LINGO1: variants seen among roughly 807,000 people sequenced by gnomAD.
The protein encoded by LINGO1 is leucine rich repeat and Ig domain containing 1.
Under a neutral mutation model 37.3 loss-of-function variants are expected in LINGO1, and 11 were observed. That is an observed-to-expected ratio of 0.29 (90% confidence interval 0.19 to 0.49). The LOEUF (loss-of-function observed/expected upper bound fraction) is 0.49, where lower values mean the gene tolerates loss of function less well. Ranked by LOEUF, LINGO1 falls within the 20% of genes least tolerant of loss-of-function variation. The probability of loss-of-function intolerance (pLI) is 0.99; values close to 1 mark genes in which losing one functional copy is unlikely to be tolerated. For missense variants in LINGO1, 585 were observed against 878.2 expected (o/e 0.67, Z 4.22); for synonymous variants, 387 against 403.0 (o/e 0.96, Z 0.48).
chr15:77,692,127 TACTC>T (rs1156422963), intron 1 of LINGO1, among the ~76,000 whole-genome samples: 1 of 152,230 alleles, frequency 6.6e-6, no homozygotes, highest in African/African-American at 2.4e-5. Flanking sequence ...CCTTCTTACT[TACTC>T]ATCTTACGTA....
chr15:77,682,342 G>A (rs1359232495), intron 2 of LINGO1, among the ~76,000 whole-genome samples: 2 of 148,148 alleles, frequency 1.3e-5, no homozygotes, highest in African/African-American at 2.5e-5. Flanking sequence ...GTACTTGGTA[G>A]AGAATAGGCA....
intron 1 of LINGO1, among the ~76,000 whole-genome samples, chr15:77,627,195 C>T (rs376966674): frequency 7.2e-5 from 11 of 152,108 alleles, no homozygotes; most frequent in South Asian, 2.1e-4. Flanking sequence ...GTCACCCTGG[C>T]GGCAATCAAT....
At chr15:77,753,257 T>C (rs1434421259) in intron 1 of LINGO1, among the ~76,000 whole-genome samples, 1 of 152,224 alleles carries the variant, frequency 6.6e-6, no homozygotes, top group Non-Finnish European at 1.5e-5. Flanking sequence ...AGCTTCCTTG[T>C]AATGCAATGG....
intron 1 of LINGO1, among the ~76,000 whole-genome samples, chr15:77,623,976 G>A (rs2074009240): frequency 2.0e-5 from 3 of 148,500 alleles, no homozygotes; most frequent in Admixed American, 1.3e-4. Context: ...TGTGTGGCCT[G>A]TGTGTGTGTG....
chr15:77,820,603 C>T (rs1268589638), upstream of LINGO1, among the ~76,000 whole-genome samples: 2 of 152,232 alleles, frequency 1.3e-5, no homozygotes, highest in Non-Finnish European at 2.9e-5. Context: ...GGGCTGGCGT[C>T]CCGCTCCTGC....
upstream of LINGO1, among the ~76,000 whole-genome samples, chr15:77,789,357 T>C (rs2076800705): frequency 6.6e-6 from 1 of 152,182 alleles, no homozygotes; most frequent in Non-Finnish European, 1.5e-5. Flanking sequence ...AAATACTGGC[T>C]GGGTGCAGTG....
At chr15:77,703,618 G>T (rs2075812676) in intron 2 of LINGO1, among the ~76,000 whole-genome samples, 1 of 152,186 alleles carries the variant, frequency 6.6e-6, no homozygotes. Flanking sequence ...ATGCTGGGAA[G>T]GACCCTCCAG....
chr15:77,650,959 A>G (rs1287287838), intron 3 of LINGO1, among the ~76,000 whole-genome samples: 2 of 152,132 alleles, frequency 1.3e-5, no homozygotes, highest in Admixed American at 1.3e-4. Flanking sequence ...CAGGGCAAGT[A>G]GACATTTCAG....
chr15:77,775,042 T>C (rs764344519), intron 1 of LINGO1, among the ~76,000 whole-genome samples: 1 of 152,148 alleles, frequency 6.6e-6, no homozygotes, highest in South Asian at 2.1e-4. Context: ...AGGCGATGCA[T>C]GTTGAGGGTG....
chr15:77,763,195 T>C (rs1056251113), intron 1 of LINGO1, among the ~76,000 whole-genome samples: 2 of 152,160 alleles, frequency 1.3e-5, no homozygotes, highest in East Asian at 3.9e-4. Context: ...TTCGCCTAAT[T>C]AAGCAGTTTA....
chr15:77,683,465 T>C (rs530997589), intron 2 of LINGO1, among the ~76,000 whole-genome samples: 49 of 152,232 alleles, frequency 3.2e-4, no homozygotes, highest in African/African-American at 1.2e-3. Context: ...AATCTAAATA[T>C]CCATCAATCC....
rs527887331 is a variant in LINGO1, at chr15:77,641,654, G to C, written c.-12-25754C>G. ...AGGAGACAGATGAGGAGTGGGCGTG[G>C]TAGGAGGCTGAGAGCCTGACTGGCC... On this transcript the variant is annotated intron_variant, in intron 3 of 3. Transcript: ENST00000559893. The C allele has an allele frequency of 8.4e-6, 3 of 358,988 alleles. No homozygotes were observed. The East Asian group carries it at 2.2e-4, about 26-fold the overall frequency. 22.2% of individuals were successfully genotyped at this position (358,988 alleles called of 1,614,324 possible).
upstream of LINGO1, chr15:77,634,215 C>T (rs2074348247): frequency 2.2e-6 from 1 of 445,854 alleles, no homozygotes; most frequent in Admixed American, 2.4e-5. Flanking sequence ...TCTCCCCACC[C>T]CCAACAGCAC....
chr15:77,775,887 G>T (rs1024571373), intron 1 of LINGO1, among the ~76,000 whole-genome samples: 3 of 152,132 alleles, frequency 2.0e-5, no homozygotes, highest in Admixed American at 1.3e-4. Flanking sequence ...CCACACACAC[G>T]CAGTTCCAGG....
chr15:77,796,363 G>A (rs537246343), intron 1 of LINGO1, among the ~76,000 whole-genome samples: 2 of 152,358 alleles, frequency 1.3e-5, no homozygotes, highest in East Asian at 3.9e-4. Context: ...GCTCTGGGAA[G>A]CGCAGAGTTT....
intron 1 of LINGO1, among the ~76,000 whole-genome samples, chr15:77,736,480 G>A (rs2076205197): frequency 6.6e-6 from 1 of 152,062 alleles, no homozygotes. Flanking sequence ...AAACTGAAGT[G>A]GGCCAGATGT....
chr15:77,768,781 C>T (rs1011970506), intron 1 of LINGO1, among the ~76,000 whole-genome samples: 3 of 152,172 alleles, frequency 2.0e-5, no homozygotes, highest in Non-Finnish European at 4.4e-5. Flanking sequence ...GAAAAATTCA[C>T]GACCCAGCCC....
intron 2 of LINGO1, among the ~76,000 whole-genome samples, chr15:77,731,380 G>A (rs949083900): frequency 1.3e-5 from 2 of 152,152 alleles, no homozygotes; most frequent in African/African-American, 4.8e-5. Flanking sequence ...CGTGTCCCCT[G>A]CCCGGGACAG....
chr15:77,692,751 T>C (rs912771120), intron 1 of LINGO1, among the ~76,000 whole-genome samples: 2 of 152,178 alleles, frequency 1.3e-5, no homozygotes, highest in African/African-American at 4.8e-5. Flanking sequence ...AAACACCTCC[T>C]GGCTCCCTCC....
Sources: gnomAD v4.1 joint callset for allele counts (sites outside exome capture counted in the v4.1 genomes callset) on GRCh38, gnomAD v4.1.1 for gene constraint, MANE v1.5 for transcripts, NCBI Gene and HGNC (gene_info 2026-07-23, HGNC 2026-07-21) for gene names.